Variants in TRDMT1 observed in about 807,000 individuals in gnomAD.
TRDMT1 encodes tRNA aspartic acid methyltransferase 1, also known as tRNA (cytosine(38)-C(5))-methyltransferase.
Under a neutral mutation model 51.2 loss-of-function variants are expected in TRDMT1, and 49 were observed. The ratio of observed to expected loss-of-function variants is 0.96; its 90% CI spans 0.76 to 1.21. TRDMT1 has a LOEUF of 1.21. TRDMT1 is among the 50% of genes most tolerant of loss of function. The probability of loss-of-function intolerance (pLI) is 0.00; values close to 1 mark genes in which losing one functional copy is unlikely to be tolerated. For missense variants in TRDMT1, 534 were observed against 462.3 expected (o/e 1.16, Z -1.42); for synonymous variants, 187 against 164.6 (o/e 1.14, Z -1.04).
Position 17,138,382 on chromosome 10 carries a change from C to T in TRDMT1, c.*10658G>A, listed in dbSNP as rs1837484686. ...CATATGTCAGTTTTGTGATTTTCTG[C>T]AAAATTTCAGGGCAATATAACATTG... On this transcript the variant is annotated 3_prime_UTR_variant, in exon 11 of 11. Transcript: ENST00000377799. 6.6e-6 allele frequency among the ~76,000 whole-genome samples: 1 copy of T among 152,102 alleles called. No individual in the cohort carries two copies. Among genetic ancestry groups the T allele is most frequent in the Admixed American group, 6.6e-5 (1 of 15,260 alleles).
intron 7 of TRDMT1, among the ~76,000 whole-genome samples, chr10:17,158,399 T>G (rs1265693025): frequency 6.6e-6 from 1 of 152,152 alleles, no homozygotes; most frequent in East Asian, 1.9e-4. Flanking sequence ...TACTGTTAAC[T>G]TAATACAATG....
At chr10:17,167,880 G>A (rs530848569) in intron 3 of TRDMT1, among the ~76,000 whole-genome samples, 1 of 152,232 alleles carries the variant, frequency 6.6e-6, no homozygotes, top group African/African-American at 2.4e-5. Context: ...ACTTTGGGCT[G>A]GAAATAAACA....
intron 5 of TRDMT1, among the ~76,000 whole-genome samples, chr10:17,160,634 C>A (rs746780879): frequency 6.6e-6 from 1 of 151,984 alleles, no homozygotes; most frequent in African/African-American, 2.4e-5. Flanking sequence ...CCACGCCTGG[C>A]TAATTTTTTT....
intron 8 of TRDMT1, among the ~76,000 whole-genome samples, chr10:17,155,764 G>A (rs1010528908): frequency 6.6e-6 from 1 of 151,646 alleles, no homozygotes; most frequent in African/African-American, 2.4e-5. Flanking sequence ...AGTCAAACCA[G>A]GAAAAAAATA....
chr10:17,141,295 G>A lies in TRDMT1; in HGVS notation c.*7745C>T, dbSNP rs1282489395. Among the ~76,000 whole-genome samples the A allele has an allele frequency of 6.6e-6, 1 of 152,150 alleles. No homozygotes were observed. Among genetic ancestry groups the A allele is most frequent in the Non-Finnish European group, 1.5e-5 (1 of 68,032 alleles). On this transcript the variant is annotated 3_prime_UTR_variant, in exon 11 of 11. Transcript: ENST00000377799. The stretch of plus-strand genomic sequence containing the variant: ...CCCTGCCTCAGCCTCCCGAGTAGCT[G>A]GGACTACAGGCATGCACCACCATGC...
rs1032237301 is a variant in TRDMT1, at chr10:17,174,627, A to G, written c.98T>C (p.Ile33Thr). ...SCIPAQVVAAIDVNTVANEVY... is the reference protein window; with the variant it reads ...SCIPAQVVAATDVNTVANEVY... The stretch of plus-strand genomic sequence containing the variant: ...TTCATTAGCGACAGTGTTGACATCA[A>G]TGGCAGCCACCACTTGTGCAGGTAT... Residue 33 changes from isoleucine (I) to threonine (T), a missense_variant, in exon 2 of 11, where the codon ATT becomes ACT. By Grantham distance (89) the Ile-to-Thr change is moderately conservative (BLOSUM62 -1). Coordinates refer to ENST00000377799, the MANE Select transcript of TRDMT1 (RefSeq NM_004412.7). 19 of 1,613,940 alleles carry G rather than the reference A, an allele frequency of 1.2e-5. No individual in the cohort carries two copies. The highest frequency in any genetic ancestry group is 4.0e-5 in the African/African-American group (3 of 74,934).
intron 2 of TRDMT1, among the ~76,000 whole-genome samples, chr10:17,170,445 G>A (rs1486138430): frequency 1.3e-5 from 2 of 152,166 alleles, no homozygotes; most frequent in Non-Finnish European, 2.9e-5. Context: ...TTTGCTTTCA[G>A]ATAATATTAG....
chr10:17,157,855 T>C, intron 7 of TRDMT1, 71 bp from the exon 8 acceptor site: 1 of 1,236,220 alleles, frequency 8.1e-7, no homozygotes, highest in Non-Finnish European at 1.1e-6. Context: ...CAATGTCCAG[T>C]CAACATTACG....
intron 1 of TRDMT1, among the ~76,000 whole-genome samples, chr10:17,195,852 A>C (rs1233327587): frequency 1.3e-5 from 2 of 152,210 alleles, no homozygotes; most frequent in East Asian, 1.9e-4. Context: ...CTTCACTTTA[A>C]ATATGACTTG....
At chr10:17,161,670 T>C in intron 4 of TRDMT1, 122 bp from the exon 5 acceptor site, 1 of 569,100 alleles carries the variant, frequency 1.8e-6, no homozygotes, top group Non-Finnish European at 2.8e-6. Context: ...TAAAATGGAA[T>C]TTTATAAGGC....
rs1839705857 is a variant in TRDMT1, at chr10:17,157,570, A to C, written c.758T>G (p.Leu253Arg). 1.2e-6 allele frequency: 2 copies of C among 1,614,100 alleles called. No individual in the cohort carries two copies. Among genetic ancestry groups the C allele is most frequent in the Non-Finnish European group, 1.7e-6 (2 of 1,179,964 alleles). ...AGTGTCATCTTCAAGAAAATCTTTT[A>C]GCATTTTCACAGAGAGATCACTATC... is the stretch of plus-strand genomic sequence containing the variant. ...QQDSDLSVKM[L>R]KDFLEDDTDV... Residue 253 changes from leucine to arginine, a missense_variant, in exon 8 of 11, where the codon CTA becomes CGA. Leu to Arg is a moderately radical substitution (Grantham distance 102). Transcript: ENST00000377799.
intron 2 of TRDMT1, among the ~76,000 whole-genome samples, 191 bp from the exon 3 acceptor site, chr10:17,169,108 C>T (rs1841619921): frequency 6.6e-6 from 1 of 152,148 alleles, no homozygotes; most frequent in African/African-American, 2.4e-5. Context: ...TAAACTGAAG[C>T]TACAAGAAAT....
intron 1 of TRDMT1, among the ~76,000 whole-genome samples, chr10:17,178,736 G>C (rs1268117568): frequency 6.8e-6 from 1 of 147,210 alleles, no homozygotes; most frequent in Non-Finnish European, 1.5e-5. Flanking sequence ...TTATTTCCAA[G>C]AATAAAATAA....
chr10:17,157,412 T>C (rs767240933), intron 8 of TRDMT1, 29 bp downstream of exon 8: 16 of 1,506,450 alleles, frequency 1.1e-5, no homozygotes, highest in Middle Eastern at 1.8e-4. Context: ...TTATTTTGGA[T>C]ACAGGATCAA....
At chr10:17,153,426 C>T (rs1259018820) in intron 10 of TRDMT1, 81 bp downstream of exon 10, 1 of 1,508,714 alleles carries the variant, frequency 6.6e-7, no homozygotes, top group South Asian at 1.2e-5. Flanking sequence ...TTTGTTTAGG[C>T]AAGTCCTAGA....
chr10:17,156,239 CTT>C (rs747213529), intron 8 of TRDMT1, among the ~76,000 whole-genome samples: 5 of 143,742 alleles, frequency 3.5e-5, no homozygotes, highest in Admixed American at 1.4e-4. Context: ...CAAAATTTTT[CTT>C]TTTTTTTTTT....
chr10:17,149,722 T>C (rs1199762254), intron 10 of TRDMT1, among the ~76,000 whole-genome samples: 3 of 152,190 alleles, frequency 2.0e-5, no homozygotes, highest in African/African-American at 7.2e-5. Flanking sequence ...TTCATATAAA[T>C]GGAGCCATAA....
intron 1 of TRDMT1, among the ~76,000 whole-genome samples, chr10:17,183,428 AC>A (rs940306173): frequency 5.9e-5 from 9 of 152,026 alleles, no homozygotes; most frequent in African/African-American, 2.2e-4. Flanking sequence ...ATCTTTAGTT[AC>A]TTTTTTGAGA....
At position 17,147,459 on chromosome 10, in the gene TRDMT1, A is replaced by C. The variant is rs1485049888; in HGVS notation, c.*1581T>G. On this transcript the variant is annotated 3_prime_UTR_variant, in exon 11 of 11. Transcript: ENST00000377799. ...TAAATATACAGTTGCAGTGGCATTA[A>C]GTACACTCACACTGTTGTGCAACCA... The C allele has an allele frequency of 3.4e-6, 2 of 596,296 alleles. No individual in the cohort carries two copies. The highest frequency in any genetic ancestry group is 4.0e-5 in the African/African-American group (2 of 49,672). 36.9% of individuals were successfully genotyped at this position (596,296 alleles called of 1,614,324 possible).
Sources: allele counts gnomAD v4.1 joint callset (sites outside exome capture counted in the v4.1 genomes callset), GRCh38; gene constraint gnomAD v4.1.1; transcripts MANE v1.5; gene names NCBI Gene and HGNC (gene_info 2026-07-23, HGNC 2026-07-21).